TMLHE: variants seen among roughly 807,000 people sequenced by gnomAD.
TMLHE encodes trimethyllysine dioxygenase, mitochondrial.
TMLHE carries 18 observed loss-of-function variants against 25.7 expected under a neutral mutation model. That is an observed-to-expected ratio of 0.70 (90% CI 0.48 to 1.04). The LOEUF is 1.04. Among genes scored for constraint, TMLHE ranks in the 50% least tolerant of loss-of-function variants. The pLI, the probability that TMLHE is intolerant of heterozygous loss-of-function variation, is 0.00. For missense variants in TMLHE, 236 were observed against 259.0 expected, an observed-to-expected ratio of 0.91 and a Z score of 0.61; for synonymous variants, 105 against 97.0, an observed-to-expected ratio of 1.08 and a Z score of -0.49.
At chrX:155,544,186 G>T (rs1012063071) in intron 2 of TMLHE, among the ~76,000 whole-genome samples, 1 of 111,695 alleles carries the variant, frequency 9.0e-6, no homozygotes, top group Admixed American at 9.5e-5. Flanking sequence ...CTCTTCCAGG[G>T]TGTGGTAGAT....
intron 2 of TMLHE, among the ~76,000 whole-genome samples, chrX:155,528,778 G>A (rs1028884838): frequency 3.6e-5 from 4 of 111,429 alleles, no homozygotes; most frequent in African/African-American, 6.5e-5. Context: ...TGTAAATTGT[G>A]CTGTGATGAA....
intron 1 of TMLHE, among the ~76,000 whole-genome samples, chrX:155,550,161 G>A (rs782519638): frequency 1.8e-4 from 20 of 110,544 alleles, no homozygotes; most frequent in Admixed American, 1.5e-3. Context: ...CTTTGCTATT[G>A]TGAACAGTGC....
intron 2 of TMLHE, among the ~76,000 whole-genome samples, chrX:155,527,777 G>A (rs1175763036): frequency 8.9e-6 from 1 of 111,816 alleles, no homozygotes; most frequent in East Asian, 2.8e-4. Context: ...CTTGAGGTAG[G>A]AAAGGCTGTT....
chrX:155,560,914 G>C, intron 1 of TMLHE, among the ~76,000 whole-genome samples: 1 of 61,484 alleles, frequency 1.6e-5, no homozygotes, highest in Non-Finnish European at 4.5e-5. Flanking sequence ...CTGTTGTATT[G>C]AGAATAAACT....
At chrX:155,540,515 A>G (rs2067304366) in intron 2 of TMLHE, among the ~76,000 whole-genome samples, 1 of 110,920 alleles carries the variant, frequency 9.0e-6, no homozygotes. Flanking sequence ...TCACCACTCA[A>G]TCTGCCCCAC....
chrX:155,570,261 G>A (rs2067540200), intron 1 of TMLHE, among the ~76,000 whole-genome samples: 1 of 54,499 alleles, frequency 1.8e-5, no homozygotes. Flanking sequence ...ATGGTAAAGG[G>A]ATCAATTCAA....
intron 2 of TMLHE, among the ~76,000 whole-genome samples, chrX:155,535,386 C>G (rs1050862305): frequency 8.9e-6 from 1 of 112,140 alleles, no homozygotes; most frequent in Non-Finnish European, 1.9e-5. Context: ...GGACACTCTT[C>G]TTGCTGTGCA....
chrX:155,558,918 A>G (rs782780318), intron 1 of TMLHE, among the ~76,000 whole-genome samples: 3 of 111,884 alleles, frequency 2.7e-5, no homozygotes, highest in Middle Eastern at 4.2e-3. Context: ...CTTGTCAGAA[A>G]TAAGAACCAG....
intron 2 of TMLHE, among the ~76,000 whole-genome samples, chrX:155,537,237 G>C (rs938340361): frequency 2.8e-4 from 31 of 111,885 alleles, no homozygotes; most frequent in Non-Finnish European, 4.5e-4. Context: ...CAGTAATCCT[G>C]TTAGGATAGT....
chrX:155,576,295 C>T (rs1399048755), intron 1 of TMLHE, among the ~76,000 whole-genome samples: 1 of 111,373 alleles, frequency 9.0e-6, no homozygotes, highest in Non-Finnish European at 1.9e-5. Flanking sequence ...GGGAATACAG[C>T]TAACCAGGAA....
At chrX:155,574,355 A>T (rs943645092) in intron 1 of TMLHE, among the ~76,000 whole-genome samples, 12 of 111,948 alleles carry the variant, frequency 1.1e-4, no homozygotes, top group African/African-American at 3.9e-4. Context: ...CCACACAGAA[A>T]GTAAGAGTGA....
intron 5 of TMLHE, among the ~76,000 whole-genome samples, chrX:155,509,550 C>T (rs1250806293): frequency 9.0e-6 from 1 of 111,590 alleles, no homozygotes; most frequent in Non-Finnish European, 1.9e-5. Context: ...GTATTTGAAC[C>T]TCAACCCCTG....
chrX:155,602,897 A>G (rs148827254), intron 1 of TMLHE, among the ~76,000 whole-genome samples: 1,468 of 112,572 alleles, frequency 0.013, 24 homozygotes, highest in African/African-American at 0.045. Flanking sequence ...ACTGAAAACT[A>G]CAAAACATTG....
chrX:155,536,804 T>C (rs2067281747), intron 2 of TMLHE, among the ~76,000 whole-genome samples: 1 of 112,373 alleles, frequency 8.9e-6, no homozygotes, highest in African/African-American at 3.2e-5. Flanking sequence ...TATTTACTTA[T>C]TTTATTCATT....
rs781814122 is a variant in TMLHE, at chrX:155,491,404, G to A, written c.*131C>T. The A allele has an allele frequency of 3.5e-3, 112 of 31,664 alleles. No homozygotes were observed. Among genetic ancestry groups the A allele is most frequent in the Non-Finnish European group, 4.9e-3 (85 of 17,261 alleles). The allele number at this position is 31,664 out of a possible 1,213,427, so 2.6% of individuals were successfully genotyped here. On this transcript the variant is annotated 3_prime_UTR_variant, in exon 8 of 8. Coordinates refer to ENST00000334398, the MANE Select transcript of TMLHE (RefSeq NM_018196.4). Reference sequence around the variant, plus strand: ...AACAAGTCTCCCTTACTAGAGAAACGGACAGATTCTGTTTTGTGGGATGGG... The same window carrying A: ...AACAAGTCTCCCTTACTAGAGAAACAGACAGATTCTGTTTTGTGGGATGGG...
intron 5 of TMLHE, 120 bp downstream of exon 5, chrX:155,511,553 G>T: frequency 1.4e-6 from 1 of 713,660 alleles, no homozygotes; most frequent in Non-Finnish European, 1.9e-6. Context: ...GGAAGAGAAA[G>T]TCATACAAAT....
At chrX:155,549,742 T>C (rs1557339745) in intron 1 of TMLHE, among the ~76,000 whole-genome samples, 2 of 110,117 alleles carry the variant, frequency 1.8e-5, no homozygotes, top group Non-Finnish European at 3.8e-5. Context: ...GTTTTTAAAA[T>C]TGTACTTTAA....
At position 155,569,916 on chromosome X, in the gene TMLHE, A is replaced by C. The variant is rs1419331760; in HGVS notation, c.-1-24639T>G. ...GTAAATACCATCGAGGCTAGGAAGA[A>C]ACTGCATCAACTAACGAGCAAAATA... On this transcript the variant is annotated intron_variant, in intron 1 of 7. Transcript: ENST00000334398. Among the ~76,000 whole-genome samples the C allele has an allele frequency of 6.3e-4, 36 of 56,834 alleles. 9 individuals carry two copies. The Admixed American group carries it at 6.4e-3, about 10-fold the overall frequency. The allele number at this position is 56,834 out of a possible 115,157, so 49.4% of individuals were successfully genotyped here.
chrX:155,594,860 A>G (rs1475286191), intron 1 of TMLHE, among the ~76,000 whole-genome samples: 1 of 111,488 alleles, frequency 9.0e-6, no homozygotes, highest in Non-Finnish European at 1.9e-5. Context: ...TCTATAGTAC[A>G]GCTGACTCTT....
Sources: allele counts gnomAD v4.1 joint callset (sites outside exome capture counted in the v4.1 genomes callset), GRCh38; gene constraint gnomAD v4.1.1; transcripts MANE v1.5; gene names NCBI Gene and HGNC (gene_info 2026-07-23, HGNC 2026-07-21).